Variants in MTUS2 observed in about 807,000 individuals in gnomAD.
MTUS2 encodes the protein microtubule-associated tumor suppressor candidate 2.
In MTUS2, 40 loss-of-function variants were observed where a neutral mutation model predicts 114.1. The ratio of observed to expected loss-of-function variants is 0.35; its 90% CI spans 0.27 to 0.46. The LOEUF (loss-of-function observed/expected upper bound fraction) is 0.46. Ranked by LOEUF, MTUS2 falls within the 20% of genes least tolerant of loss-of-function variation. The pLI is 1.00. For synonymous variants in MTUS2, 688 were observed against 672.0 expected (o/e 1.02, Z -0.37); for missense variants, 1,679 against 1,705.4 (o/e 0.98, Z 0.27).
intron 1 of MTUS2, among the ~76,000 whole-genome samples, chr13:28,838,841 ATTCCT>A (rs1199129925): frequency 1.3e-5 from 2 of 152,330 alleles, no homozygotes; most frequent in Middle Eastern, 3.4e-3. Flanking sequence ...GCTGGAGCTA[ATTCCT>A]TTCCTTTCTT....
chr13:29,351,909 G>A (rs1230871337), intron 7 of MTUS2, among the ~76,000 whole-genome samples: 5 of 151,944 alleles, frequency 3.3e-5, no homozygotes, highest in Non-Finnish European at 7.4e-5. Flanking sequence ...GTGAGCCACT[G>A]TGCCTGGCAT....
intron 5 of MTUS2, among the ~76,000 whole-genome samples, chr13:29,167,145 C>T (rs1036738305): frequency 4.6e-5 from 7 of 152,164 alleles, no homozygotes; most frequent in Admixed American, 2.6e-4. Flanking sequence ...GAGGCCTAGG[C>T]GGGCGGATCA....
intron 6 of MTUS2, among the ~76,000 whole-genome samples, chr13:29,294,724 G>C (rs1480641347): frequency 6.6e-6 from 1 of 152,196 alleles, no homozygotes; most frequent in Admixed American, 6.5e-5. Context: ...GCAATGATGT[G>C]TGAAAACATG....
intron 5 of MTUS2, among the ~76,000 whole-genome samples, chr13:29,156,457 A>G (rs1892863877): frequency 6.6e-6 from 1 of 152,112 alleles, no homozygotes; most frequent in African/African-American, 2.4e-5. Flanking sequence ...TGCAATAAAA[A>G]GCCCTGACAT....
At position 29,026,008 on chromosome 13, in the gene MTUS2, T is replaced by A; in HGVS notation, c.1310T>A (p.Val437Glu). 6.2e-7 allele frequency: 1 copy of A among 1,614,030 alleles called. No homozygotes were observed. Among genetic ancestry groups the A allele is most frequent in the East Asian group, 2.2e-5 (1 of 44,876 alleles). The change falls in exon 3 of 16, where the codon GTG (valine) becomes GAG (glutamate). Residue 437 changes from valine to glutamate, a missense_variant. Physicochemically the swap from Val to Glu is moderately radical, Grantham distance 121. Around this residue, in one of 3 missense-constraint regions of MTUS2, gnomAD observed 843 missense variants for 770.8 expected, o/e 1.09. Transcript: ENST00000612955. ...AGCTTTTCACCAGGTGACAGTCATG[T>A]GGCTTTTATTCCTAATAATCTGACT... is the stretch of plus-strand genomic sequence containing the variant. ...SSSFSPGDSH[V>E]AFIPNNLTDS...
intron 2 of MTUS2, among the ~76,000 whole-genome samples, chr13:28,865,647 A>T (rs1308495667): frequency 9.2e-5 from 14 of 152,146 alleles, no homozygotes; most frequent in Admixed American, 8.5e-4. Context: ...TGTAACAGTC[A>T]GGGCTTTGGC....
intron 2 of MTUS2, among the ~76,000 whole-genome samples, chr13:28,864,035 C>T (rs1877148517): frequency 1.3e-5 from 2 of 152,140 alleles, no homozygotes; most frequent in African/African-American, 4.8e-5. Flanking sequence ...CAGTCCTCTG[C>T]CTCTGTGCTG....
intron 4 of MTUS2, among the ~76,000 whole-genome samples, chr13:29,091,890 G>A (rs1361808836): frequency 6.6e-6 from 1 of 152,226 alleles, no homozygotes; most frequent in East Asian, 1.9e-4. Context: ...AAGGAACAGT[G>A]CAGAGTACAT....
At chr13:29,002,964 T>C (rs185476172) in intron 2 of MTUS2, among the ~76,000 whole-genome samples, 8 of 152,322 alleles carry the variant, frequency 5.3e-5, no homozygotes. Flanking sequence ...GAATGTAAGA[T>C]ATTCAAAGAT....
chr13:29,442,634 A>ACATAGTATCCGC (rs11273920), intron 9 of MTUS2, among the ~76,000 whole-genome samples: 1 of 152,152 alleles, frequency 6.6e-6, no homozygotes, highest in African/African-American at 2.4e-5. Flanking sequence ...CCAAACCAGC[A>ACATAGTATCCGC]CAGGGAGGCA....
At chr13:28,880,459 A>G (rs1279321918) in intron 2 of MTUS2, among the ~76,000 whole-genome samples, 1 of 152,230 alleles carries the variant, frequency 6.6e-6, no homozygotes, top group African/African-American at 2.4e-5. Flanking sequence ...CTCGTGGTAA[A>G]CAGTGGTGTA....
At chr13:29,216,338 A>T (rs1895680625) in intron 5 of MTUS2, among the ~76,000 whole-genome samples, 1 of 152,150 alleles carries the variant, frequency 6.6e-6, no homozygotes, top group African/African-American at 2.4e-5. Flanking sequence ...GCTGAGCAAG[A>T]CCACTTGGCT....
At chr13:29,210,639 C>T (rs542084215) in intron 5 of MTUS2, among the ~76,000 whole-genome samples, 2 of 152,266 alleles carry the variant, frequency 1.3e-5, no homozygotes, top group African/African-American at 4.8e-5. Flanking sequence ...GTGGTGTTCT[C>T]CCTTCCCCTA....
chr13:28,944,523 C>T (rs1593320559), intron 2 of MTUS2, among the ~76,000 whole-genome samples: 1 of 152,108 alleles, frequency 6.6e-6, no homozygotes, highest in Admixed American at 6.6e-5. Flanking sequence ...GTGATGAATC[C>T]TTTGTGGTCT....
intron 12 of MTUS2, among the ~76,000 whole-genome samples, chr13:29,494,552 T>C (rs189584270): frequency 1.3e-5 from 2 of 151,022 alleles, no homozygotes; most frequent in African/African-American, 4.9e-5. Context: ...AGGTTTGGTG[T>C]AGGAGCCATG....
chr13:29,212,819 C>T (rs1305210284), intron 5 of MTUS2, among the ~76,000 whole-genome samples: 6 of 152,220 alleles, frequency 3.9e-5, no homozygotes, highest in African/African-American at 9.7e-5. Flanking sequence ...CCCAGAAGCC[C>T]TCTGAATCCT....
intron 2 of MTUS2, among the ~76,000 whole-genome samples, chr13:29,007,126 A>C (rs964428443): frequency 2.6e-5 from 4 of 152,212 alleles, no homozygotes; most frequent in Admixed American, 6.5e-5. Context: ...GAAAATCACA[A>C]GGTAGATTTT....
At chr13:29,372,172 C>T (rs184446849) in intron 8 of MTUS2, among the ~76,000 whole-genome samples, 2 of 151,520 alleles carry the variant, frequency 1.3e-5, no homozygotes, top group African/African-American at 4.8e-5. Context: ...TCACGAGGGT[C>T]CCCTGCCTCC....
chr13:29,277,708 G>A (rs1898117512), intron 5 of MTUS2, among the ~76,000 whole-genome samples: 1 of 152,306 alleles, frequency 6.6e-6, no homozygotes, highest in Middle Eastern at 3.4e-3. Flanking sequence ...TTGTGACTGA[G>A]TTCCAGCCAG....
Sources: gnomAD v4.1 joint callset for allele counts (sites outside exome capture counted in the v4.1 genomes callset) on GRCh38, gnomAD v4.1.1 for gene constraint, gnomAD v4.1.1 regional missense constraint, MANE v1.5 for transcripts, NCBI Gene and HGNC (gene_info 2026-07-23, HGNC 2026-07-21) for gene names.